ELMO1: variants seen among roughly 807,000 people sequenced by gnomAD.
The protein encoded by ELMO1 is engulfment and cell motility protein 1.
ELMO1 carries 26 observed loss-of-function variants against 98.9 expected under a neutral mutation model. The ratio of observed to expected loss-of-function variants is 0.26; its 90% CI spans 0.19 to 0.36. The LOEUF (loss-of-function observed/expected upper bound fraction) is 0.36, where lower values mean the gene tolerates loss of function less well. Ranked by LOEUF, ELMO1 falls within the 10% of genes least tolerant of loss-of-function variation. The probability of loss-of-function intolerance (pLI) is 1.00; values close to 1 mark genes in which losing one functional copy is unlikely to be tolerated. For missense variants in ELMO1, 627 were observed against 935.2 expected, an observed-to-expected ratio of 0.67 and a Z score of 4.30; for synonymous variants, 346 against 346.0, an observed-to-expected ratio of 1.00 and a Z score of 0.00.
intron 16 of ELMO1, among the ~76,000 whole-genome samples, chr7:36,999,595 T>C (rs185942392): frequency 6.2e-4 from 95 of 152,276 alleles, no homozygotes; most frequent in African/African-American, 2.3e-3. Flanking sequence ...GAAAGAGAAA[T>C]AGGTACTGTG....
At chr7:37,024,809 T>C (rs538924530) in intron 15 of ELMO1, among the ~76,000 whole-genome samples, 1 of 152,330 alleles carries the variant, frequency 6.6e-6, no homozygotes, top group African/African-American at 2.4e-5. Flanking sequence ...AATATGATTT[T>C]TTTTTCAAAA....
At chr7:37,445,298 C>T (rs367768691) in intron 1 of ELMO1, among the ~76,000 whole-genome samples, 1 of 152,210 alleles carries the variant, frequency 6.6e-6, no homozygotes, top group African/African-American at 2.4e-5. Flanking sequence ...TAATCCACCA[C>T]GTTTTCCAGA....
chr7:37,050,321 A>ACCTTGGCCTCCCCAAGTACTGGGATT (rs1178318072), intron 15 of ELMO1, among the ~76,000 whole-genome samples: 4 of 152,014 alleles, frequency 2.6e-5, no homozygotes, highest in African/African-American at 7.2e-5. Context: ...TAATCCGCCC[A>ACCTTGGCCTCCCCAAGTACTGGGATT]CCTTGGCCTC....
chr7:36,987,055 C>T (rs563128712), intron 16 of ELMO1, among the ~76,000 whole-genome samples: 5 of 152,242 alleles, frequency 3.3e-5, no homozygotes, highest in African/African-American at 1.2e-4. Context: ...TCCTAGCCAA[C>T]CTTTGGAATG....
At chr7:36,980,277 G>A (rs1790931086) in intron 16 of ELMO1, among the ~76,000 whole-genome samples, 1 of 152,206 alleles carries the variant, frequency 6.6e-6, no homozygotes, top group Non-Finnish European at 1.5e-5. Flanking sequence ...TGAAAAATCA[G>A]TTTCAGCTGT....
chr7:37,267,441 C>T (rs920749206), intron 5 of ELMO1, among the ~76,000 whole-genome samples: 4 of 152,316 alleles, frequency 2.6e-5, no homozygotes, highest in South Asian at 2.1e-4. Context: ...CATGCTTGGG[C>T]GCGCGCACGC....
At chr7:36,981,272 C>T (rs541625022) in intron 16 of ELMO1, among the ~76,000 whole-genome samples, 1 of 151,282 alleles carries the variant, frequency 6.6e-6, no homozygotes, top group Non-Finnish European at 1.5e-5. Context: ...CATTAGGAGA[C>T]TAAGACTAGA....
At chr7:37,382,984 T>C (rs938722530) in intron 1 of ELMO1, among the ~76,000 whole-genome samples, 1 of 152,224 alleles carries the variant, frequency 6.6e-6, no homozygotes, top group African/African-American at 2.4e-5. Flanking sequence ...TATGAGTAAG[T>C]TGCAGATGTG....
At chr7:37,270,796 G>C (rs550880976) in intron 5 of ELMO1, 1 of 152,064 alleles carries the variant, frequency 6.6e-6, no homozygotes, top group East Asian at 1.9e-4. Flanking sequence ...ATGGATCAGT[G>C]AAGTGGTCAA....
chr7:37,079,502 C>G (rs1797750511), intron 15 of ELMO1, among the ~76,000 whole-genome samples: 1 of 152,156 alleles, frequency 6.6e-6, no homozygotes, highest in African/African-American at 2.4e-5. Context: ...CCATCAGTGG[C>G]CCACACTGAG....
At chr7:37,315,162 G>C (rs535080710) in intron 3 of ELMO1, among the ~76,000 whole-genome samples, 2 of 152,098 alleles carry the variant, frequency 1.3e-5, no homozygotes, top group Non-Finnish European at 2.9e-5. Flanking sequence ...CCTTTAAGCA[G>C]TTCATCCTCA....
At chr7:37,439,624 A>C (rs909095570) in intron 1 of ELMO1, among the ~76,000 whole-genome samples, 9 of 152,230 alleles carry the variant, frequency 5.9e-5, no homozygotes, top group Non-Finnish European at 8.8e-5. Context: ...TTAGCTTGAA[A>C]ATATTTATAT....
At chr7:36,935,764 C>T (rs1786474266) in intron 16 of ELMO1, among the ~76,000 whole-genome samples, 1 of 152,154 alleles carries the variant, frequency 6.6e-6, no homozygotes. Flanking sequence ...CACTACTACT[C>T]CAAAAAGCCT....
intron 15 of ELMO1, among the ~76,000 whole-genome samples, chr7:37,058,897 T>C (rs893728911): frequency 5.9e-5 from 9 of 152,176 alleles, no homozygotes; most frequent in East Asian, 1.9e-4. Context: ...CTGGAACCCA[T>C]TGTGGGTTTC....
At chr7:37,207,325 T>A (rs957377079) in intron 13 of ELMO1, among the ~76,000 whole-genome samples, 1 of 152,056 alleles carries the variant, frequency 6.6e-6, no homozygotes, top group Non-Finnish European at 1.5e-5. Flanking sequence ...CCAAAGTGGG[T>A]GGTTCACCTG....
chr7:37,327,077 T>C (rs1234642311), intron 2 of ELMO1, among the ~76,000 whole-genome samples: 1 of 152,216 alleles, frequency 6.6e-6, no homozygotes, highest in Non-Finnish European at 1.5e-5. Context: ...AACAACCACT[T>C]TCCTAATTCC....
intron 2 of ELMO1, among the ~76,000 whole-genome samples, chr7:37,326,652 G>A (rs551240115): frequency 6.6e-6 from 1 of 151,924 alleles, no homozygotes; most frequent in South Asian, 2.1e-4. Flanking sequence ...TTTACCAAAA[G>A]TGTCTTGTTT....
At chr7:37,070,126 A>G (rs955623422) in intron 15 of ELMO1, among the ~76,000 whole-genome samples, 2 of 152,322 alleles carry the variant, frequency 1.3e-5, no homozygotes, top group East Asian at 1.9e-4. Context: ...CAGACACAGA[A>G]GATATTTCTC....
chr7:37,250,475 T>A (rs772813355), intron 6 of ELMO1, among the ~76,000 whole-genome samples: 2 of 152,218 alleles, frequency 1.3e-5, no homozygotes, highest in African/African-American at 4.8e-5. Flanking sequence ...TGCTTTTTTA[T>A]ATACTTTTCA....
Sources: gnomAD v4.1 joint callset for allele counts (sites outside exome capture counted in the v4.1 genomes callset) on GRCh38, gnomAD v4.1.1 for gene constraint, MANE v1.5 for transcripts, NCBI Gene and HGNC (gene_info 2026-07-23, HGNC 2026-07-21) for gene names.